The following NSD3 variants were observed in gnomAD, a reference collection of about 807,000 sequenced individuals.
NSD3 encodes histone-lysine N-methyltransferase NSD3.
NSD3 carries 24 observed loss-of-function variants against 160.8 expected under a neutral mutation model. That is an observed-to-expected ratio of 0.15 (90% CI 0.11 to 0.21). NSD3 has a LOEUF of 0.21. Ranked by LOEUF, NSD3 falls within the 10% of genes least tolerant of loss-of-function variation. The pLI is 1.00. For synonymous variants in NSD3, 520 were observed against 600.0 expected (o/e 0.87, Z 1.95); for missense variants, 1,157 against 1,735.9 (o/e 0.67, Z 5.93).
intron 2 of NSD3, among the ~76,000 whole-genome samples, chr8:38,345,062 G>A (rs1352426691): frequency 6.6e-6 from 1 of 152,148 alleles, no homozygotes; most frequent in African/African-American, 2.4e-5. Context: ...AGAGCTGTGG[G>A]AGCTCTGGCT....
At chr8:38,281,756 T>C (rs1341568111) in intron 19 of NSD3, among the ~76,000 whole-genome samples, 173 bp from the exon 20 acceptor site, 1 of 152,256 alleles carries the variant, frequency 6.6e-6, no homozygotes, top group Non-Finnish European at 1.5e-5. Flanking sequence ...TTTTCTGGTA[T>C]AAGTGCCTCA....
At chr8:38,299,803 T>C (rs947893527) in intron 14 of NSD3, 14 of 387,536 alleles carry the variant, frequency 3.6e-5, no homozygotes, top group African/African-American at 1.9e-4. Flanking sequence ...CTATATATTA[T>C]AGAAACCTAA....
At chr8:38,333,083 T>G (rs1325242472) in intron 4 of NSD3, among the ~76,000 whole-genome samples, 1 of 152,024 alleles carries the variant, frequency 6.6e-6, no homozygotes, top group East Asian at 1.9e-4. Context: ...AACTAATAAG[T>G]GAATTTCAAG....
chr8:38,307,316 T>C (rs970776216), intron 12 of NSD3, among the ~76,000 whole-genome samples: 1 of 151,874 alleles, frequency 6.6e-6, no homozygotes, highest in Non-Finnish European at 1.5e-5. Flanking sequence ...TCCAGAGTAA[T>C]TGGGACTACA....
Position 38,315,494 on chromosome 8 carries a change from G to A in NSD3, c.2037C>T (p.Asp679=), listed in dbSNP as rs1216484018. 3 of 1,613,062 alleles carry A rather than the reference G, an allele frequency of 1.9e-6. No homozygotes were observed. The highest frequency in any genetic ancestry group is 1.6e-4 in the Middle Eastern group (1 of 6,084). ...VDSPSATADA[D]VSDVQSMDSS... is the part of the protein sequence containing the mutation. ...AATCCATGGACTGCACATCAGAAAC[G>A]TCTGCATCTGCAGTAGCTGAAGGGC... The change falls in exon 11 of 24, where the codon GAC becomes GAT. Residue 679 remains aspartate, a synonymous_variant. Coordinates refer to ENST00000317025, the MANE Select transcript of NSD3 (RefSeq NM_023034.2).
At position 38,305,373 on chromosome 8, in the gene NSD3, T is replaced by G; in HGVS notation, c.2315A>C (p.Lys772Thr). The change falls in exon 13 of 24, where the codon AAA (lysine) becomes ACA (threonine). Residue 772 changes from lysine to threonine, a missense_variant. Transcript: ENST00000317025. ...GCGGACACAGGCTTCATGATAAAAT[T>G]TCCCACAAGCACCAACAGAACAACG... ...VKRCSVGACG[K>T]FYHEACVRKF... 2.5e-6 allele frequency: 4 copies of G among 1,614,128 alleles called. No homozygotes were observed. The highest frequency in any genetic ancestry group is 3.4e-6 in the Non-Finnish European group (4 of 1,180,026).
intron 14 of NSD3, among the ~76,000 whole-genome samples, chr8:38,301,698 T>A (rs187548007): frequency 2.0e-5 from 3 of 152,366 alleles, no homozygotes; most frequent in East Asian, 3.9e-4. Flanking sequence ...TACTAGTCCC[T>A]CCATTTAACA....
intron 7 of NSD3, among the ~76,000 whole-genome samples, chr8:38,323,306 T>A (rs1261319708): frequency 6.6e-6 from 1 of 152,128 alleles, no homozygotes; most frequent in African/African-American, 2.4e-5. Flanking sequence ...TCCGCCTGCC[T>A]CAGCCTCCCA....
chr8:38,326,432 CAA>C (rs1809912893), intron 7 of NSD3, among the ~76,000 whole-genome samples: 1 of 152,134 alleles, frequency 6.6e-6, no homozygotes, highest in Non-Finnish European at 1.5e-5. Flanking sequence ...TGTTATTATG[CAA>C]AGAGAGATAG....
intron 4 of NSD3, among the ~76,000 whole-genome samples, chr8:38,332,252 C>G (rs1219371089): frequency 6.6e-6 from 1 of 151,854 alleles, no homozygotes; most frequent in East Asian, 1.9e-4. Context: ...ATGATAGGTT[C>G]TTATTTTTAA....
At chr8:38,370,709 C>A (rs966647114) in intron 1 of NSD3, among the ~76,000 whole-genome samples, 4 of 152,008 alleles carry the variant, frequency 2.6e-5, no homozygotes, top group Admixed American at 6.6e-5. Context: ...TGGAAATGTT[C>A]TAAAATTGAT....
rs1329604574 is a variant in NSD3, at chr8:38,316,020, G to A, written c.1878C>T (p.Ser626=). The A allele has an allele frequency of 6.2e-7, 1 of 1,612,866 alleles. No individual in the cohort carries two copies. Among genetic ancestry groups the A allele is most frequent in the South Asian group, 1.1e-5 (1 of 91,028 alleles). The part of the protein sequence containing the change: ...LQKGASEISD[S]CKPLKKRSRA... Reference sequence around the variant, plus strand: ...GACTCCTTTTCTTTAGAGGTTTACAGGAATCTGAAATCTCGCTGGCACCTT... The same window carrying A: ...GACTCCTTTTCTTTAGAGGTTTACAAGAATCTGAAATCTCGCTGGCACCTT... The change falls in exon 10 of 24, where the codon TCC becomes TCT. Residue 626 remains serine, a synonymous_variant. Coordinates refer to ENST00000317025, the MANE Select transcript of NSD3 (RefSeq NM_023034.2). The surrounding 1 kb of genome is among the most constrained non-coding windows in gnomAD (Gnocchi z 4.5).
intron 19 of NSD3, among the ~76,000 whole-genome samples, chr8:38,282,835 A>G (rs1163383909): frequency 6.6e-6 from 1 of 152,214 alleles, no homozygotes; most frequent in African/African-American, 2.4e-5. Context: ...ATCTCTGAGT[A>G]GTGTTTCTGC....
intron 14 of NSD3, 73 bp downstream of exon 14, chr8:38,304,513 GC>G: frequency 6.8e-7 from 1 of 1,478,132 alleles, no homozygotes; most frequent in Non-Finnish European, 9.1e-7. Flanking sequence ...CTTTCCCAAT[GC>G]TGAGACTCTA....
Position 38,318,071 on chromosome 8 carries a change from C to T in NSD3, c.1855+824G>A. 1 of 1,613,508 alleles carries T rather than the reference C, an allele frequency of 6.2e-7. No individual in the cohort carries two copies. Among genetic ancestry groups the T allele is most frequent in the Non-Finnish European group, 8.5e-7 (1 of 1,179,722 alleles). Reference sequence around the variant, plus strand: ...ATGGTGGAAACACAACGCAATCAGGCCTCCTAATCTCGCAGCGATCGCGAT... The same window carrying T: ...ATGGTGGAAACACAACGCAATCAGGTCTCCTAATCTCGCAGCGATCGCGAT... On this transcript the variant is annotated intron_variant, in intron 9 of 23. Coordinates refer to ENST00000317025, the MANE Select transcript of NSD3 (RefSeq NM_023034.2). This position sits in a 1 kb window ranked among gnomAD's most constrained non-coding sequence, Gnocchi z 5.3.
At chr8:38,350,186 T>G (rs1297771034) in intron 1 of NSD3, among the ~76,000 whole-genome samples, 1 of 152,186 alleles carries the variant, frequency 6.6e-6, no homozygotes, top group Non-Finnish European at 1.5e-5. Context: ...TTTATATTCC[T>G]TTGGGTATAT....
chr8:38,378,081 CTTTATTTT>C (rs1209671036), intron 1 of NSD3, among the ~76,000 whole-genome samples: 1 of 151,982 alleles, frequency 6.6e-6, no homozygotes, highest in Non-Finnish European at 1.5e-5. Context: ...AGAATGCTAA[CTTTATTTT>C]TTTAACTTCT....
At position 38,273,836 on chromosome 8, in the gene NSD3, G is replaced by A. The variant is rs1808541086; in HGVS notation, c.*1805C>T. The A allele has an allele frequency of 6.6e-6, 1 of 152,188 alleles. No homozygotes were observed. Among genetic ancestry groups the A allele is most frequent in the Admixed American group, 6.5e-5 (1 of 15,274 alleles). The allele number at this position is 152,188 out of a possible 1,614,324, so 9.4% of individuals were successfully genotyped here. A position where few individuals can be genotyped will look rare whatever the true frequency, so the allele number is the denominator to read the frequency against. On this transcript the variant is annotated 3_prime_UTR_variant, in exon 24 of 24. Coordinates refer to ENST00000317025, the MANE Select transcript of NSD3 (RefSeq NM_023034.2). ...AACAGAAGTACTGGAAGCCCAATGA[G>A]TCACCGCAGAATTAATTGCTGGAGT...
intron 19 of NSD3, among the ~76,000 whole-genome samples, chr8:38,286,514 A>T (rs548107267): frequency 2.6e-5 from 4 of 152,234 alleles, no homozygotes; most frequent in Non-Finnish European, 5.9e-5. Flanking sequence ...TAGACTCCTG[A>T]CCCATATTAA....
Sources: gnomAD v4.1 joint callset for allele counts (sites outside exome capture counted in the v4.1 genomes callset) on GRCh38, gnomAD v4.1.1 for gene constraint, Gnocchi (gnomAD v3.1) non-coding constraint, MANE v1.5 for transcripts, NCBI Gene and HGNC (gene_info 2026-07-23, HGNC 2026-07-21) for gene names.